ST6GALNAC3: variants seen among roughly 807,000 people sequenced by gnomAD.
ST6GALNAC3 encodes alpha-N-acetylgalactosaminide alpha-2,6-sialyltransferase 3.
A neutral mutation model predicts 32.7 loss-of-function variants in ST6GALNAC3; 25 were observed. The ratio of observed to expected loss-of-function variants is 0.76; its 90% CI spans 0.56 to 1.07. The LOEUF (loss-of-function observed/expected upper bound fraction) is 1.07. Among genes scored for constraint, ST6GALNAC3 ranks in the 50% least tolerant of loss-of-function variants. The pLI, the probability that ST6GALNAC3 is intolerant of heterozygous loss-of-function variation, is 0.00. For missense variants in ST6GALNAC3, 355 were observed against 382.4 expected (o/e 0.93, Z 0.60); for synonymous variants, 129 against 133.1 (o/e 0.97, Z 0.21).
At chr1:76,316,861 A>G (rs1182478359) in intron 2 of ST6GALNAC3, among the ~76,000 whole-genome samples, 1 of 152,186 alleles carries the variant, frequency 6.6e-6, no homozygotes, top group African/African-American at 2.4e-5. Context: ...GGAATCATAC[A>G]AAACAATTCA....
At chr1:76,258,287 A>G (rs1355490006) in intron 1 of ST6GALNAC3, among the ~76,000 whole-genome samples, 5 of 152,156 alleles carry the variant, frequency 3.3e-5, no homozygotes, top group Non-Finnish European at 7.4e-5. Context: ...ATATTTATCA[A>G]GCACTCTCTA....
chr1:76,307,791 A>G lies in ST6GALNAC3; in HGVS notation c.19-6014A>G, dbSNP rs1351602973. On this transcript the variant is annotated intron_variant, in intron 1 of 4. Coordinates refer to ENST00000328299, the MANE Select transcript of ST6GALNAC3 (RefSeq NM_152996.4). Reference sequence around the variant, plus strand: ...TCTACAGTAGAAAGAATAAAAACATATACATATTAATATAGATTGCAAATT... The same window carrying G: ...TCTACAGTAGAAAGAATAAAAACATGTACATATTAATATAGATTGCAAATT... The G allele has an allele frequency of 4.0e-5, 12 of 301,070 alleles. 1 individual carries two copies. Among genetic ancestry groups the G allele is most frequent in the South Asian group, 2.9e-4 (10 of 33,968 alleles). The allele number at this position is 301,070 out of a possible 1,614,324, so 18.6% of individuals were successfully genotyped here.
At chr1:76,394,453 T>A (rs1652788597) in intron 2 of ST6GALNAC3, among the ~76,000 whole-genome samples, 3 of 152,186 alleles carry the variant, frequency 2.0e-5, no homozygotes, top group Admixed American at 2.0e-4. Context: ...CATTGTTTAA[T>A]CCATATTGAA....
intron 3 of ST6GALNAC3, among the ~76,000 whole-genome samples, chr1:76,439,500 T>C (rs1356222138): frequency 6.6e-6 from 1 of 152,238 alleles, no homozygotes; most frequent in East Asian, 1.9e-4. Flanking sequence ...TTGAAGAATG[T>C]GCTTTAACAA....
intron 2 of ST6GALNAC3, among the ~76,000 whole-genome samples, chr1:76,318,422 A>G (rs111608537): frequency 1.9e-3 from 289 of 152,234 alleles, no homozygotes; most frequent in African/African-American, 6.6e-3. Context: ...AGTGCCAACT[A>G]ACTGGGTGAG....
chr1:76,568,807 G>A (rs1186985132), intron 3 of ST6GALNAC3, among the ~76,000 whole-genome samples: 3 of 152,156 alleles, frequency 2.0e-5, no homozygotes, highest in Non-Finnish European at 4.4e-5. Flanking sequence ...TCCTGGGTGT[G>A]AGTGGAAATG....
intron 1 of ST6GALNAC3, among the ~76,000 whole-genome samples, chr1:76,105,945 C>A (rs1647498281): frequency 6.6e-6 from 1 of 152,046 alleles, no homozygotes; most frequent in South Asian, 2.1e-4. Flanking sequence ...ATAGAATTGT[C>A]AGGTAACATG....
chr1:76,409,815 G>T (rs1654092450), intron 2 of ST6GALNAC3, among the ~76,000 whole-genome samples: 1 of 152,102 alleles, frequency 6.6e-6, no homozygotes, highest in East Asian at 1.9e-4. Flanking sequence ...AGAATATGGA[G>T]AATTTTTTAA....
intron 1 of ST6GALNAC3, among the ~76,000 whole-genome samples, chr1:76,127,865 A>T (rs1344658701): frequency 6.6e-6 from 1 of 152,182 alleles, no homozygotes; most frequent in Non-Finnish European, 1.5e-5. Context: ...CATTGCTCTC[A>T]TCACATTAGA....
chr1:76,534,602 A>G (rs1033863669), intron 3 of ST6GALNAC3, among the ~76,000 whole-genome samples: 1 of 152,104 alleles, frequency 6.6e-6, no homozygotes, highest in Non-Finnish European at 1.5e-5. Flanking sequence ...ACCACCTCCT[A>G]TACTCTTTCC....
intron 3 of ST6GALNAC3, among the ~76,000 whole-genome samples, chr1:76,606,632 G>A (rs1647566323): frequency 6.6e-6 from 1 of 151,822 alleles, no homozygotes; most frequent in South Asian, 2.1e-4. Flanking sequence ...ATACCTAGGT[G>A]ATGGGTTAGT....
chr1:76,290,929 C>A (rs970731110), intron 1 of ST6GALNAC3, among the ~76,000 whole-genome samples: 5 of 152,108 alleles, frequency 3.3e-5, no homozygotes, highest in African/African-American at 1.2e-4. Flanking sequence ...ATTTACCGAG[C>A]GAGCTGTTGA....
intron 1 of ST6GALNAC3, among the ~76,000 whole-genome samples, chr1:76,103,326 T>G (rs1647315159): frequency 6.6e-6 from 1 of 152,152 alleles, no homozygotes; most frequent in African/African-American, 2.4e-5. Context: ...TTCCATGGGC[T>G]ATAGTTACAT....
intron 3 of ST6GALNAC3, among the ~76,000 whole-genome samples, chr1:76,520,114 C>T (rs1318934565): frequency 1.3e-5 from 2 of 151,868 alleles, no homozygotes; most frequent in African/African-American, 4.8e-5. Context: ...GTCAGTGACT[C>T]TTTTTTCATA....
At chr1:76,578,573 G>C (rs1006157195) in intron 3 of ST6GALNAC3, among the ~76,000 whole-genome samples, 1 of 151,986 alleles carries the variant, frequency 6.6e-6, no homozygotes, top group African/African-American at 2.4e-5. Context: ...TTAGCCCTAG[G>C]AAACTGGGAG....
intron 3 of ST6GALNAC3, among the ~76,000 whole-genome samples, chr1:76,441,025 T>TTG (rs1207008711): frequency 6.9e-6 from 1 of 145,852 alleles, no homozygotes; most frequent in African/African-American, 2.5e-5. Context: ...GAGGTGGTGG[T>TTG]TGTGGTGAGC....
At chr1:76,570,947 G>A (rs72991838) in intron 3 of ST6GALNAC3, among the ~76,000 whole-genome samples, 2,041 of 152,060 alleles carry the variant, frequency 0.013, 37 homozygotes, top group African/African-American at 0.044. Context: ...TCTTCTAGAT[G>A]TCTCTACTTC....
chr1:76,520,182 G>A (rs549345155), intron 3 of ST6GALNAC3, among the ~76,000 whole-genome samples: 91 of 152,100 alleles, frequency 6.0e-4, no homozygotes, highest in African/African-American at 2.1e-3. Context: ...AGTATTGATA[G>A]TGTCATCTTA....
chr1:76,218,282 G>A (rs556172814), intron 1 of ST6GALNAC3, among the ~76,000 whole-genome samples: 5 of 152,162 alleles, frequency 3.3e-5, no homozygotes, highest in Admixed American at 6.5e-5. Flanking sequence ...CCCTGGCCCC[G>A]GAGGCCACCT....
Sources: allele counts gnomAD v4.1 joint callset (sites outside exome capture counted in the v4.1 genomes callset), GRCh38; gene constraint gnomAD v4.1.1; transcripts MANE v1.5; gene names NCBI Gene and HGNC (gene_info 2026-07-23, HGNC 2026-07-21).